MORN5: variants seen among roughly 807,000 people sequenced by gnomAD.
MORN5 encodes MORN repeat containing 5.
Under a neutral mutation model 22.1 loss-of-function variants are expected in MORN5, and 21 were observed. The observed-to-expected ratio is 0.95, with a 90% CI of 0.67 to 1.37. The LOEUF is 1.37. MORN5 is among the 40% of genes most tolerant of loss of function. MORN5 has a pLI of 0.00. For synonymous variants in MORN5, 73 were observed against 74.0 expected, an observed-to-expected ratio of 0.99 and a Z score of 0.07; for missense variants, 211 against 215.1, an observed-to-expected ratio of 0.98 and a Z score of 0.12.
intron 1 of MORN5, chr9:122,164,791 C>A: frequency 4.3e-6 from 1 of 235,096 alleles, no homozygotes; most frequent in Non-Finnish European, 7.0e-6. Flanking sequence ...CCATGTCTTG[C>A]ACTAGAATAA....
At position 122,197,289 on chromosome 9, in the gene MORN5, C is replaced by A. The variant is rs911692728; in HGVS notation, c.440-2596C>A. On this transcript the variant is annotated intron_variant, in intron 4 of 4. Coordinates refer to ENST00000373764, the MANE Select transcript of MORN5 (RefSeq NM_198469.4). The surrounding 1 kb of genome is among the most constrained non-coding windows in gnomAD (Gnocchi z 5.7). ...TCTTTTTTCTCCCTCCTTTCCCTCT[C>A]CCCCTCCTACCAAAAAAGGGGAGAA... Among the ~76,000 whole-genome samples, 1 of 152,090 alleles carries A rather than the reference C, an allele frequency of 6.6e-6. No homozygotes were observed. The highest frequency in any genetic ancestry group is 2.4e-5 in the African/African-American group (1 of 41,390).
intron 4 of MORN5, among the ~76,000 whole-genome samples, chr9:122,191,175 T>C (rs1829756607): frequency 6.6e-6 from 1 of 152,180 alleles, no homozygotes; most frequent in Admixed American, 6.5e-5. Context: ...ACTGAGACTT[T>C]AGGGACTCAC....
At chr9:122,194,388 A>C (rs533103351) in intron 4 of MORN5, among the ~76,000 whole-genome samples, 24 of 152,340 alleles carry the variant, frequency 1.6e-4, no homozygotes, top group Admixed American at 4.6e-4. Context: ...AGGGAGACAG[A>C]CAACATGCAC....
In MORN5 at chr9:122,160,026, G is replaced by A; in HGVS notation, c.47+7G>A. 6.2e-7 allele frequency: 1 copy of A among 1,612,128 alleles called. No homozygotes were observed. The highest frequency in any genetic ancestry group is 2.2e-5 in the East Asian group (1 of 44,884). The stretch of plus-strand genomic sequence containing the variant: ...GGGAATATGTAGATGGGAGGTAAGG[G>A]GCTCATTTGATTCACTTACTATACC... On this transcript the variant is annotated splice_region_variant and intron_variant, in intron 1 of 4. Transcript: ENST00000373764.
chr9:122,195,698 T>C (rs933536560), intron 4 of MORN5, among the ~76,000 whole-genome samples: 1 of 152,200 alleles, frequency 6.6e-6, no homozygotes, highest in Non-Finnish European at 1.5e-5. Flanking sequence ...GTAGTGTTTG[T>C]GAGGTTTCTC....
intron 4 of MORN5, among the ~76,000 whole-genome samples, chr9:122,189,748 AG>A (rs1194886684): frequency 6.6e-6 from 1 of 152,054 alleles, no homozygotes; most frequent in Non-Finnish European, 1.5e-5. Context: ...CTGGGACCAC[AG>A]GTGCCCGCCA....
chr9:122,177,338 G>A (rs1588306143), intron 4 of MORN5, among the ~76,000 whole-genome samples: 1 of 152,372 alleles, frequency 6.6e-6, no homozygotes, highest in East Asian at 1.9e-4. Context: ...CTAACAAGGA[G>A]CCGGCTGGCA....
chr9:122,175,700 GA>G, intron 4 of MORN5: 3 of 985,332 alleles, frequency 3.0e-6, no homozygotes, highest in Non-Finnish European at 3.6e-6. Flanking sequence ...TCTATAATGA[GA>G]AAGAAACTGC....
rs1829165074 is a variant in MORN5, at chr9:122,159,966, A to G, written c.-7A>G. ...ATCCTAACAGCTGGAAGCTAAAAAC[A>G]GGCGCCATGGAGTACACAGGGAGCA... On this transcript the variant is annotated 5_prime_UTR_variant, in exon 1 of 5. Coordinates refer to ENST00000373764, the MANE Select transcript of MORN5 (RefSeq NM_198469.4). 6.2e-7 allele frequency: 1 copy of G among 1,613,882 alleles called. No homozygotes were observed. Among genetic ancestry groups the G allele is most frequent in the African/African-American group, 1.3e-5 (1 of 74,936 alleles).
intron 3 of MORN5, among the ~76,000 whole-genome samples, chr9:122,172,307 G>A (rs373409387): frequency 3.8e-5 from 4 of 104,934 alleles, no homozygotes; most frequent in African/African-American, 1.5e-4. Flanking sequence ...CTCCCGCCCC[G>A]CCCCTTGAGT....
chr9:122,185,026 C>G (rs1383677333), intron 4 of MORN5, among the ~76,000 whole-genome samples: 2 of 152,212 alleles, frequency 1.3e-5, no homozygotes, highest in African/African-American at 2.4e-5. Context: ...TGCCCACTTT[C>G]TTGCTCAAAC....
intron 1 of MORN5, among the ~76,000 whole-genome samples, chr9:122,162,679 T>C (rs911211725): frequency 3.3e-5 from 5 of 152,170 alleles, no homozygotes; most frequent in African/African-American, 1.2e-4. Context: ...ACAACATGAA[T>C]GAATCTCAAA....
At chr9:122,180,111 A>T (rs942880605) in intron 4 of MORN5, among the ~76,000 whole-genome samples, 4 of 152,160 alleles carry the variant, frequency 2.6e-5, no homozygotes, top group Admixed American at 2.0e-4. Flanking sequence ...TTGAACATCT[A>T]CTGTGTGCCA....
At chr9:122,179,150 G>T (rs1055099321) in intron 4 of MORN5, among the ~76,000 whole-genome samples, 1 of 152,212 alleles carries the variant, frequency 6.6e-6, no homozygotes, top group Admixed American at 6.5e-5. Context: ...AAGGATTACA[G>T]TTGGGAGAAG....
intron 4 of MORN5, among the ~76,000 whole-genome samples, chr9:122,185,608 C>A (rs935610336): frequency 2.0e-5 from 3 of 152,136 alleles, no homozygotes; most frequent in Non-Finnish European, 2.9e-5. Context: ...GATCCGCCCG[C>A]CTCGGCCTCC....
chr9:122,196,867 A>C (rs969784302), intron 4 of MORN5, among the ~76,000 whole-genome samples: 4 of 152,148 alleles, frequency 2.6e-5, no homozygotes, highest in Admixed American at 6.5e-5. Flanking sequence ...CACATCAAAA[A>C]CATTTCCCCC....
chr9:122,178,068 C>T lies in MORN5; in HGVS notation c.439+3441C>T, dbSNP rs549022992. Among the ~76,000 whole-genome samples the T allele has an allele frequency of 2.6e-4, 39 of 152,288 alleles. 1 individual carries two copies. The highest frequency in any genetic ancestry group is 8.7e-4 in the African/African-American group (36 of 41,558). ...AAAAGAAAAAATTAGTTAATAAAAA[C>T]AAATATGCTAGCCAGGCATGGTGGC... On this transcript the variant is annotated intron_variant, in intron 4 of 4. Transcript: ENST00000373764.
At chr9:122,184,125 G>T (rs1339993858) in intron 4 of MORN5, among the ~76,000 whole-genome samples, 1 of 152,178 alleles carries the variant, frequency 6.6e-6, no homozygotes, top group Non-Finnish European at 1.5e-5. Context: ...CTCAACCAAG[G>T]GGTAGGGAGT....
At chr9:122,171,197 G>C (rs1829360568) in intron 3 of MORN5, among the ~76,000 whole-genome samples, 2 of 152,162 alleles carry the variant, frequency 1.3e-5, no homozygotes, top group African/African-American at 4.8e-5. Flanking sequence ...GGATGAGCCT[G>C]CACAAGTCAA....
Sources: gnomAD v4.1 joint callset for allele counts (sites outside exome capture counted in the v4.1 genomes callset) on GRCh38, gnomAD v4.1.1 for gene constraint, Gnocchi (gnomAD v3.1) non-coding constraint, MANE v1.5 for transcripts, NCBI Gene and HGNC (gene_info 2026-07-23, HGNC 2026-07-21) for gene names.